Variants in TTC17 observed in about 807,000 individuals in gnomAD.
TTC17 encodes tetratricopeptide repeat protein 17.
TTC17 carries 58 observed loss-of-function variants against 143.8 expected under a neutral mutation model. The ratio of observed to expected loss-of-function variants is 0.40; its 90% CI spans 0.33 to 0.50. The LOEUF (loss-of-function observed/expected upper bound fraction) is 0.50. TTC17 is among the 20% of genes least tolerant of loss of function. TTC17 has a pLI of 0.49. For missense variants in TTC17, 1,273 were observed against 1,392.5 expected, an observed-to-expected ratio of 0.91 and a Z score of 1.37; for synonymous variants, 501 against 497.8, an observed-to-expected ratio of 1.01 and a Z score of -0.09.
intron 9 of TTC17, among the ~76,000 whole-genome samples, chr11:43,400,378 T>C (rs1382507085): frequency 1.3e-5 from 2 of 152,190 alleles, no homozygotes; most frequent in Non-Finnish European, 2.9e-5. Context: ...CTTGTTGAAA[T>C]GCAGATTATG....
At chr11:43,444,354 A>G (rs1002358839) in intron 18 of TTC17, 145 bp downstream of exon 18, 17 of 703,722 alleles carry the variant, frequency 2.4e-5, no homozygotes, top group Non-Finnish European at 3.4e-5. Context: ...TATCTTCTGT[A>G]TCAATGAAAA....
In TTC17 at chr11:43,466,067, C is replaced by T. The variant is rs191173530; in HGVS notation, c.3030+14802C>T. 5.9e-5 allele frequency among the ~76,000 whole-genome samples: 9 copies of T among 152,190 alleles called. No homozygotes were observed. The East Asian group carries it at 1.5e-3, about 26-fold the overall frequency. On this transcript the variant is annotated intron_variant, in intron 21 of 23. Coordinates refer to ENST00000039989, the MANE Select transcript of TTC17 (RefSeq NM_018259.6). ...GGTTAATATTTCCAAATTATATAAA[C>T]AACTTGTACAAATTAAAAACAAAAT...
chr11:43,359,518 A>G (rs1176132790), intron 1 of TTC17, among the ~76,000 whole-genome samples: 1 of 152,184 alleles, frequency 6.6e-6, no homozygotes, highest in Admixed American at 6.5e-5. Flanking sequence ...TGGCAGCTCC[A>G]GGGTGTGCGC....
chr11:43,394,477 T>C (rs1011107486), intron 5 of TTC17, among the ~76,000 whole-genome samples: 1 of 152,174 alleles, frequency 6.6e-6, no homozygotes, highest in African/African-American at 2.4e-5. Context: ...TAGCAATTGT[T>C]AGTAGTGGAA....
intron 11 of TTC17, among the ~76,000 whole-genome samples, chr11:43,405,243 C>T (rs909722902): frequency 1.3e-5 from 2 of 151,986 alleles, no homozygotes; most frequent in African/African-American, 4.8e-5. Context: ...ACTTGCTTCT[C>T]TTTCCGAAAA....
At chr11:43,385,256 T>A (rs10501296) in intron 2 of TTC17, among the ~76,000 whole-genome samples, 26,008 of 152,082 alleles carry the variant, frequency 0.17, 2,930 homozygotes, top group Non-Finnish European at 0.24. Flanking sequence ...TGCCCTAAAT[T>A]GAACGAAGAT....
chr11:43,429,417 G>A (rs1947102608), intron 16 of TTC17, among the ~76,000 whole-genome samples: 1 of 152,166 alleles, frequency 6.6e-6, no homozygotes, highest in African/African-American at 2.4e-5. Context: ...TTCCCAGTAA[G>A]GTCTCCTTTT....
At chr11:43,483,159 T>A (rs1041297838) in intron 21 of TTC17, among the ~76,000 whole-genome samples, 2 of 148,148 alleles carry the variant, frequency 1.3e-5, no homozygotes, top group African/African-American at 5.0e-5. Flanking sequence ...AAGAATCTCA[T>A]AATTCTCAAA....
intron 1 of TTC17, among the ~76,000 whole-genome samples, chr11:43,369,836 C>T (rs1167831265): frequency 2.0e-5 from 3 of 152,012 alleles, no homozygotes; most frequent in African/African-American, 4.8e-5. Flanking sequence ...AGGCTGGTCT[C>T]GAACTCCTGA....
At chr11:43,438,370 G>C (rs1453509294) in intron 16 of TTC17, among the ~76,000 whole-genome samples, 1 of 152,134 alleles carries the variant, frequency 6.6e-6, no homozygotes, top group Non-Finnish European at 1.5e-5. Context: ...TGTTGCCCAG[G>C]CTGGTCTCAA....
At chr11:43,383,455 C>G (rs896983633) in intron 2 of TTC17, among the ~76,000 whole-genome samples, 1 of 152,080 alleles carries the variant, frequency 6.6e-6, no homozygotes, top group Non-Finnish European at 1.5e-5. Flanking sequence ...GGGGTTCAAG[C>G]GATTCTCCTG....
chr11:43,429,557 C>G (rs1184323237), intron 16 of TTC17, among the ~76,000 whole-genome samples: 1 of 152,136 alleles, frequency 6.6e-6, no homozygotes, highest in East Asian at 1.9e-4. Context: ...TATTTTTGTT[C>G]ACTTCATGGT....
At chr11:43,490,399 C>G (rs1948453427) in intron 22 of TTC17, 41 bp downstream of exon 22, 2 of 1,560,696 alleles carry the variant, frequency 1.3e-6, no homozygotes, top group Non-Finnish European at 1.7e-6. Context: ...GCCCCTTTGT[C>G]CTTTCCATTC....
intron 21 of TTC17, among the ~76,000 whole-genome samples, chr11:43,476,003 T>C (rs1301269316): frequency 6.6e-6 from 1 of 152,208 alleles, no homozygotes; most frequent in Non-Finnish European, 1.5e-5. Context: ...TGATGTGTTT[T>C]ATCAGTTTTA....
intron 1 of TTC17, 72 bp from the exon 2 acceptor site, chr11:43,379,161 T>C: frequency 1.5e-6 from 2 of 1,329,918 alleles, no homozygotes; most frequent in Non-Finnish European, 2.1e-6. Context: ...ATTTAAAGCA[T>C]ATTAATGACT....
At chr11:43,387,964 G>A (rs1196516684) in intron 2 of TTC17, among the ~76,000 whole-genome samples, 1 of 152,168 alleles carries the variant, frequency 6.6e-6, no homozygotes, top group Non-Finnish European at 1.5e-5. Context: ...CTAAGATTCT[G>A]GGGATATAGG....
At chr11:43,364,459 C>T (rs778827221) in intron 1 of TTC17, among the ~76,000 whole-genome samples, 5 of 152,138 alleles carry the variant, frequency 3.3e-5, no homozygotes, top group Admixed American at 6.5e-5. Context: ...AAGCTGACAG[C>T]TTTATTTCTG....
intron 23 of TTC17, among the ~76,000 whole-genome samples, chr11:43,493,197 A>T (rs1044421259): frequency 6.6e-6 from 1 of 152,232 alleles, no homozygotes; most frequent in Non-Finnish European, 1.5e-5. Flanking sequence ...TAAGTAAAAG[A>T]TTAACCTTCA....
chr11:43,453,375 G>GA (rs974408424), intron 21 of TTC17, among the ~76,000 whole-genome samples: 42 of 144,988 alleles, frequency 2.9e-4, no homozygotes, highest in African/African-American at 8.9e-4. Context: ...CATCTTGGAA[G>GA]AAAAAAAAAA....
Sources: gnomAD v4.1 joint callset for allele counts (sites outside exome capture counted in the v4.1 genomes callset) on GRCh38, gnomAD v4.1.1 for gene constraint, MANE v1.5 for transcripts, NCBI Gene and HGNC (gene_info 2026-07-23, HGNC 2026-07-21) for gene names.